PACRG: variants seen among roughly 807,000 people sequenced by gnomAD.
The protein encoded by PACRG is parkin coregulated.
A neutral mutation model predicts 29.7 loss-of-function variants in PACRG; 29 were observed. The observed-to-expected ratio is 0.98, with a 90% CI of 0.73 to 1.33. PACRG has a LOEUF of 1.33. PACRG is among the 40% of genes most tolerant of loss of function. The pLI is 0.00. For missense variants in PACRG, 279 were observed against 316.2 expected (o/e 0.88, Z 0.89); for synonymous variants, 116 against 118.7 (o/e 0.98, Z 0.15).
At chr6:163,027,108 A>G (rs73783974) in intron 2 of PACRG, among the ~76,000 whole-genome samples, 25,231 of 152,216 alleles carry the variant, frequency 0.17, 2,357 homozygotes, top group East Asian at 0.26. Flanking sequence ...TCTTTTAAAC[A>G]TCTACTGTGG....
chr6:162,952,537 G>A (rs1799730028), intron 2 of PACRG, among the ~76,000 whole-genome samples: 2 of 152,168 alleles, frequency 1.3e-5, no homozygotes, highest in South Asian at 4.1e-4. Flanking sequence ...GAGCTTGATC[G>A]TATCTCTTCA....
chr6:163,074,803 T>C (rs1032693179), intron 3 of PACRG, among the ~76,000 whole-genome samples: 1 of 152,028 alleles, frequency 6.6e-6, no homozygotes. Context: ...ACGAATAACA[T>C]TGATAAATAT....
chr6:162,795,195 A>G (rs1785273436), intron 1 of PACRG, among the ~76,000 whole-genome samples: 1 of 152,026 alleles, frequency 6.6e-6, no homozygotes, highest in South Asian at 2.1e-4. Flanking sequence ...AGTGCAGAGT[A>G]AACTGTGGTG....
chr6:163,095,902 A>G (rs1443098587), intron 4 of PACRG, among the ~76,000 whole-genome samples: 2 of 152,172 alleles, frequency 1.3e-5, no homozygotes, highest in East Asian at 3.9e-4. Flanking sequence ...TCCAGATGAT[A>G]TACCTCTTTC....
chr6:162,948,158 T>TAGTA (rs1156489605), intron 2 of PACRG, among the ~76,000 whole-genome samples: 1 of 152,068 alleles, frequency 6.6e-6, no homozygotes, highest in Non-Finnish European at 1.5e-5. Context: ...TACAAAGCTT[T>TAGTA]AGTAACCAGA....
chr6:162,871,024 A>G (rs978666600), intron 2 of PACRG, among the ~76,000 whole-genome samples: 2 of 152,180 alleles, frequency 1.3e-5, no homozygotes, highest in Admixed American at 6.5e-5. Context: ...GGAAATGACA[A>G]TTAGTTATTT....
intron 2 of PACRG, among the ~76,000 whole-genome samples, chr6:162,845,212 C>G (rs1238341185): frequency 1.3e-5 from 2 of 151,930 alleles, no homozygotes; most frequent in Admixed American, 1.3e-4. Context: ...ATACTTCAGA[C>G]AAAATACTAG....
At chr6:162,838,162 T>C (rs752720406) in intron 2 of PACRG, among the ~76,000 whole-genome samples, 4 of 152,176 alleles carry the variant, frequency 2.6e-5, no homozygotes, top group Non-Finnish European at 5.9e-5. Context: ...TTTTTTCAGG[T>C]ATAGGAGTTT....
intron 2 of PACRG, among the ~76,000 whole-genome samples, chr6:162,823,756 G>A (rs975964508): frequency 2.6e-5 from 4 of 151,990 alleles, no homozygotes; most frequent in Non-Finnish European, 4.4e-5. Flanking sequence ...CTCGTGATCC[G>A]CCTGCCTAGG....
chr6:162,778,257 T>C (rs1783805613), intron 1 of PACRG, among the ~76,000 whole-genome samples: 2 of 152,130 alleles, frequency 1.3e-5, no homozygotes, highest in Admixed American at 6.5e-5. Flanking sequence ...TTCTGCCCCA[T>C]CAAAAGAGTA....
At chr6:162,907,895 A>C (rs1477156756) in intron 2 of PACRG, among the ~76,000 whole-genome samples, 2 of 152,090 alleles carry the variant, frequency 1.3e-5, no homozygotes, top group Non-Finnish European at 1.5e-5. Flanking sequence ...GACTTATGAC[A>C]CTTATGACAC....
chr6:163,150,616 C>A (rs1778042838), intron 4 of PACRG, among the ~76,000 whole-genome samples: 1 of 152,234 alleles, frequency 6.6e-6, no homozygotes, highest in South Asian at 2.1e-4. Context: ...CCGCCTCTTA[C>A]CCTCTAAGAA....
Position 162,739,659 on chromosome 6 carries a change from T to C in PACRG, c.156+11268T>C, listed in dbSNP as rs185156437. 2.3e-3 allele frequency among the ~76,000 whole-genome samples: 347 copies of C among 152,012 alleles called. 7 individuals carry two copies. The highest frequency in any genetic ancestry group is 0.017 in the Admixed American group (263 of 15,268). Reference sequence around the variant, plus strand: ...GAGATTGAGACCATCCCGGCTAACATGGTGAAACTCCATCTCTACTAAAAT... The same window carrying C: ...GAGATTGAGACCATCCCGGCTAACACGGTGAAACTCCATCTCTACTAAAAT... On this transcript the variant is annotated intron_variant, in intron 1 of 4. Transcript: ENST00000366888.
At chr6:162,729,980 C>A (rs1161890791) in intron 1 of PACRG, among the ~76,000 whole-genome samples, 1 of 151,920 alleles carries the variant, frequency 6.6e-6, no homozygotes, top group African/African-American at 2.4e-5. Context: ...CTAGCAATAC[C>A]TCTCTTGCCA....
chr6:162,946,278 C>A (rs1022697893), intron 2 of PACRG, among the ~76,000 whole-genome samples: 5 of 151,578 alleles, frequency 3.3e-5, no homozygotes, highest in African/African-American at 1.2e-4. Flanking sequence ...AAAAGAAAAC[C>A]TCAAATAAAA....
chr6:163,231,548 T>C (rs928698257), intron 4 of PACRG, among the ~76,000 whole-genome samples: 3 of 152,128 alleles, frequency 2.0e-5, no homozygotes, highest in East Asian at 3.9e-4. Context: ...ATCAGCAACT[T>C]TGCAGGTCTT....
At chr6:163,162,490 G>A (rs9347730) in intron 4 of PACRG, among the ~76,000 whole-genome samples, 9,883 of 152,252 alleles carry the variant, frequency 0.065, 376 homozygotes, top group Non-Finnish European at 0.078. Flanking sequence ...CTTTCATTTC[G>A]TTTCTGCCAA....
intron 2 of PACRG, among the ~76,000 whole-genome samples, chr6:163,032,657 C>T (rs1306036650): frequency 2.0e-5 from 3 of 152,128 alleles, no homozygotes; most frequent in African/African-American, 7.2e-5. Context: ...TATACAAATA[C>T]AGCCCAAAGA....
At chr6:162,731,531 ATAC>A (rs1779768428) in intron 1 of PACRG, among the ~76,000 whole-genome samples, 1 of 152,140 alleles carries the variant, frequency 6.6e-6, no homozygotes, top group South Asian at 2.1e-4. Context: ...TTACATACAA[ATAC>A]TACGCCATGT....
Sources: gnomAD v4.1 joint callset for allele counts (sites outside exome capture counted in the v4.1 genomes callset) on GRCh38, gnomAD v4.1.1 for gene constraint, MANE v1.5 for transcripts, NCBI Gene and HGNC (gene_info 2026-07-23, HGNC 2026-07-21) for gene names.